TBL1X: variants seen among roughly 807,000 people sequenced by gnomAD.
The protein encoded by TBL1X is transducin beta like 1 X-linked, also known as F-box-like/WD repeat-containing protein TBL1X.
TBL1X carries 10 observed loss-of-function variants against 50.7 expected under a neutral mutation model. That is an observed-to-expected ratio of 0.20 (90% CI 0.12 to 0.33). The LOEUF (loss-of-function observed/expected upper bound fraction) is 0.33. Ranked by LOEUF, TBL1X falls within the 10% of genes least tolerant of loss-of-function variation. The probability of loss-of-function intolerance (pLI) is 1.00; values close to 1 mark genes in which losing one functional copy is unlikely to be tolerated. For missense variants in TBL1X, 340 were observed against 504.4 expected (o/e 0.67, Z 3.12); for synonymous variants, 190 against 214.7 (o/e 0.88, Z 1.01).
At chrX:9,700,627 C>T (rs950329204) in intron 12 of TBL1X, among the ~76,000 whole-genome samples, 2 of 111,770 alleles carry the variant, frequency 1.8e-5, no homozygotes, top group African/African-American at 6.5e-5. Context: ...CTCGCTCTTC[C>T]AGGTGAAACG....
intron 1 of TBL1X, among the ~76,000 whole-genome samples, chrX:9,467,953 C>T (rs2081787774): frequency 8.9e-6 from 1 of 112,532 alleles, no homozygotes; most frequent in African/African-American, 3.2e-5. Flanking sequence ...CCAGCGGGAG[C>T]CTGACTTCAG....
At chrX:9,705,739 AAAAAG>A (rs976763178) in intron 13 of TBL1X, among the ~76,000 whole-genome samples, 9 of 109,896 alleles carry the variant, frequency 8.2e-5, no homozygotes, top group Non-Finnish European at 1.5e-4. Context: ...AAAAAAAAAA[AAAAAG>A]AAAAGAAATT....
intron 2 of TBL1X, among the ~76,000 whole-genome samples, chrX:9,616,546 A>G (rs924946668): frequency 8.9e-6 from 1 of 112,029 alleles, no homozygotes; most frequent in African/African-American, 3.2e-5. Flanking sequence ...TGAGAAGCTT[A>G]TACTCACGCA....
At chrX:9,607,767 C>CT (rs1267111517) in intron 2 of TBL1X, among the ~76,000 whole-genome samples, 1 of 111,077 alleles carries the variant, frequency 9.0e-6, no homozygotes, top group African/African-American at 3.3e-5. Flanking sequence ...GATGGCTTTT[C>CT]TTTTTTCTTT....
chrX:9,578,517 G>A (rs1023629264), intron 2 of TBL1X, among the ~76,000 whole-genome samples: 2 of 111,782 alleles, frequency 1.8e-5, no homozygotes, highest in Non-Finnish European at 3.8e-5. Flanking sequence ...CCAAGCTGGA[G>A]CCTGCAGAAA....
chrX:9,541,637 T>G (rs2082215439), intron 2 of TBL1X, among the ~76,000 whole-genome samples: 1 of 112,625 alleles, frequency 8.9e-6, no homozygotes, highest in Non-Finnish European at 1.9e-5. Flanking sequence ...TGTTCTAGTG[T>G]TGGTAGTTCA....
chrX:9,660,639 A>G (rs1363026801), intron 5 of TBL1X, among the ~76,000 whole-genome samples: 2 of 111,962 alleles, frequency 1.8e-5, no homozygotes, highest in East Asian at 5.6e-4. Context: ...CATTAACGTC[A>G]CCAAACATGG....
intron 2 of TBL1X, among the ~76,000 whole-genome samples, chrX:9,574,742 A>G (rs1439079278): frequency 9.0e-6 from 1 of 111,436 alleles, no homozygotes; most frequent in East Asian, 2.8e-4. Flanking sequence ...CCAGGGTGGA[A>G]CTGGCCTGTG....
At chrX:9,601,493 C>T (rs901194094) in intron 2 of TBL1X, among the ~76,000 whole-genome samples, 2 of 111,692 alleles carry the variant, frequency 1.8e-5, no homozygotes, top group African/African-American at 6.5e-5. Context: ...CCTCTTTACT[C>T]GTCCAGAAGC....
intron 2 of TBL1X, among the ~76,000 whole-genome samples, chrX:9,569,214 G>C (rs1458817993): frequency 9.6e-6 from 1 of 104,214 alleles, no homozygotes; most frequent in Non-Finnish European, 2.0e-5. Context: ...TGTGTGTGAT[G>C]TGCTGTCTTT....
intron 5 of TBL1X, among the ~76,000 whole-genome samples, chrX:9,666,555 A>T (rs759622459): frequency 8.9e-6 from 1 of 112,552 alleles, no homozygotes; most frequent in East Asian, 2.8e-4. Context: ...ACATTTATAC[A>T]TTTGGTCTAA....
chrX:9,531,511 C>T (rs991542955), intron 2 of TBL1X, among the ~76,000 whole-genome samples: 1 of 108,982 alleles, frequency 9.2e-6, no homozygotes, highest in African/African-American at 3.4e-5. Flanking sequence ...GTTACCTGAT[C>T]CTTGAATACC....
intron 3 of TBL1X, among the ~76,000 whole-genome samples, chrX:9,642,884 C>T (rs1233224808): frequency 8.9e-6 from 1 of 112,330 alleles, no homozygotes; most frequent in African/African-American, 3.2e-5. Flanking sequence ...GTTTGCTGAC[C>T]CTAACCTAGA....
In TBL1X at chrX:9,567,813, T is replaced by G. The variant is rs753699542; in HGVS notation, c.-131+65964T>G. Among the ~76,000 whole-genome samples, 9 of 112,175 alleles carry G rather than the reference T, an allele frequency of 8.0e-5. No individual in the cohort carries two copies. The South Asian group carries it at 3.4e-3, about 42-fold the overall frequency. On this transcript the variant is annotated intron_variant, in intron 2 of 17. Coordinates refer to ENST00000645353, the MANE Select transcript of TBL1X (RefSeq NM_005647.4). ...CACCACTTAAACTACAGCCTCATTC[T>G]CTTCCTCCTCGCCTGAGTTCTCCAG...
At chrX:9,520,327 G>A (rs771537998) in intron 2 of TBL1X, among the ~76,000 whole-genome samples, 1 of 111,470 alleles carries the variant, frequency 9.0e-6, no homozygotes, top group Non-Finnish European at 1.9e-5. Context: ...GCCCCCCACC[G>A]AGGGACTGTG....
At chrX:9,552,325 C>T in intron 2 of TBL1X, among the ~76,000 whole-genome samples, 1 of 111,709 alleles carries the variant, frequency 9.0e-6, no homozygotes, top group Middle Eastern at 4.6e-3. Context: ...CACCATCAGT[C>T]TATTTCTCTG....
intron 2 of TBL1X, among the ~76,000 whole-genome samples, chrX:9,558,881 T>A (rs185199965): frequency 1.1e-4 from 12 of 112,100 alleles, no homozygotes; most frequent in Admixed American, 6.6e-4. Flanking sequence ...AAATTTGATT[T>A]ACATAGCTGG....
chrX:9,538,993 T>C, intron 2 of TBL1X, among the ~76,000 whole-genome samples: 1 of 112,514 alleles, frequency 8.9e-6, no homozygotes, highest in East Asian at 2.8e-4. Flanking sequence ...GGCACTCAGA[T>C]AACAGGACGG....
At chrX:9,651,435 A>G (rs745376314) in intron 3 of TBL1X, among the ~76,000 whole-genome samples, 13 of 112,003 alleles carry the variant, frequency 1.2e-4, no homozygotes, top group Non-Finnish European at 1.7e-4. Context: ...GAAGTTAATG[A>G]TAGAAAACCA....
Sources: gnomAD v4.1 joint callset for allele counts (sites outside exome capture counted in the v4.1 genomes callset) on GRCh38, gnomAD v4.1.1 for gene constraint, MANE v1.5 for transcripts, NCBI Gene and HGNC (gene_info 2026-07-23, HGNC 2026-07-21) for gene names.